Variants in GNA14 observed in about 807,000 individuals in gnomAD.
GNA14 encodes the protein G protein subunit alpha 14.
A neutral mutation model predicts 42.0 loss-of-function variants in GNA14; 50 were observed. The observed-to-expected ratio is 1.19, with a 90% CI of 0.95 to 1.51. GNA14 has a LOEUF of 1.51. Ranked by LOEUF, GNA14 falls within the 40% of genes most tolerant of loss-of-function variation. GNA14 has a pLI of 0.00. For synonymous variants in GNA14, 173 were observed against 163.1 expected (o/e 1.06, Z -0.46); for missense variants, 473 against 446.2 (o/e 1.06, Z -0.54).
At chr9:77,520,856 C>T (rs1007018265) in intron 2 of GNA14, among the ~76,000 whole-genome samples, 34 of 152,296 alleles carry the variant, frequency 2.2e-4, no homozygotes, top group African/African-American at 7.2e-4. Flanking sequence ...TTTGTAGGTG[C>T]ATACTCAGTT....
intron 1 of GNA14, among the ~76,000 whole-genome samples, chr9:77,629,961 G>T (rs1240132962): frequency 1.3e-5 from 2 of 151,996 alleles, no homozygotes; most frequent in South Asian, 4.2e-4. Context: ...CTTATTTATG[G>T]TATTTAAATC....
At chr9:77,461,975 G>A (rs1239918169) in intron 2 of GNA14, among the ~76,000 whole-genome samples, 3 of 151,908 alleles carry the variant, frequency 2.0e-5, no homozygotes, top group Non-Finnish European at 4.4e-5. Flanking sequence ...TGTTGTTGTT[G>A]AGAAACCGCT....
chr9:77,435,799 T>A (rs1835632109), intron 2 of GNA14, among the ~76,000 whole-genome samples: 1 of 152,192 alleles, frequency 6.6e-6, no homozygotes, highest in Non-Finnish European at 1.5e-5. Flanking sequence ...TTCCCCGTGT[T>A]GGCCCCAGAG....
At chr9:77,583,472 G>C (rs1388734064) in intron 1 of GNA14, among the ~76,000 whole-genome samples, 1 of 152,160 alleles carries the variant, frequency 6.6e-6, no homozygotes, top group Admixed American at 6.5e-5. Context: ...CAGTAAAACT[G>C]TTTGGAATTT....
intron 2 of GNA14, among the ~76,000 whole-genome samples, chr9:77,457,450 T>C (rs1457355875): frequency 6.6e-6 from 1 of 152,206 alleles, no homozygotes; most frequent in East Asian, 1.9e-4. Context: ...GTAAAGGGAC[T>C]AAGCCCAATT....
intron 1 of GNA14, among the ~76,000 whole-genome samples, chr9:77,614,924 C>T (rs1823786834): frequency 6.6e-6 from 1 of 152,206 alleles, no homozygotes; most frequent in African/African-American, 2.4e-5. Context: ...TCATAATTTA[C>T]TGTAAATGCC....
chr9:77,482,481 C>G (rs1321546788), intron 2 of GNA14, among the ~76,000 whole-genome samples: 2 of 152,184 alleles, frequency 1.3e-5, no homozygotes, highest in Admixed American at 6.5e-5. Flanking sequence ...TCTGGCTGCC[C>G]TTAACATTTT....
At chr9:77,479,750 T>C (rs1836507238) in intron 2 of GNA14, among the ~76,000 whole-genome samples, 1 of 152,226 alleles carries the variant, frequency 6.6e-6, no homozygotes, top group South Asian at 2.1e-4. Context: ...TGGTTCTCCT[T>C]GAAGATGTCC....
intron 4 of GNA14, among the ~76,000 whole-genome samples, chr9:77,430,545 G>A (rs1835529584): frequency 1.3e-5 from 2 of 152,146 alleles, no homozygotes; most frequent in Admixed American, 6.5e-5. Context: ...TTGAGGGGCT[G>A]GACCTGAGGG....
intron 2 of GNA14, among the ~76,000 whole-genome samples, chr9:77,521,990 G>A (rs906465485): frequency 2.0e-5 from 3 of 152,004 alleles, no homozygotes; most frequent in African/African-American, 4.8e-5. Flanking sequence ...GCGCCACCAC[G>A]CCCGGCTAAT....
chr9:77,429,833 A>T (rs1244417641), intron 4 of GNA14, among the ~76,000 whole-genome samples: 1 of 152,196 alleles, frequency 6.6e-6, no homozygotes, highest in African/African-American at 2.4e-5. Flanking sequence ...GTGTTAGCTC[A>T]AACGTTTTTT....
chr9:77,511,086 A>T (rs536798459), intron 2 of GNA14, among the ~76,000 whole-genome samples: 2 of 151,698 alleles, frequency 1.3e-5, no homozygotes, highest in African/African-American at 4.8e-5. Context: ...TTTTTTTTTA[A>T]TACAGAGGGG....
At chr9:77,524,830 C>T (rs62573379) in intron 2 of GNA14, among the ~76,000 whole-genome samples, 1 of 151,988 alleles carries the variant, frequency 6.6e-6, no homozygotes, top group Non-Finnish European at 1.5e-5. Context: ...ATTTTTGAAC[C>T]TGCCCCAATA....
chr9:77,638,811 G>A (rs950516658), intron 1 of GNA14, among the ~76,000 whole-genome samples: 2 of 152,202 alleles, frequency 1.3e-5, no homozygotes, highest in Non-Finnish European at 2.9e-5. Context: ...TGCAGCTTTG[G>A]ATAGGGGAAG....
At chr9:77,504,585 T>C (rs886310554) in intron 2 of GNA14, among the ~76,000 whole-genome samples, 2 of 149,060 alleles carry the variant, frequency 1.3e-5, no homozygotes, top group Non-Finnish European at 3.0e-5. Context: ...AAGTCCACAT[T>C]CATTCCAACT....
chr9:77,458,365 C>A (rs1836043668), intron 2 of GNA14, among the ~76,000 whole-genome samples: 1 of 152,164 alleles, frequency 6.6e-6, no homozygotes, highest in Admixed American at 6.5e-5. Context: ...GATGTTCTGT[C>A]TGGGTAGCAG....
intron 1 of GNA14, among the ~76,000 whole-genome samples, chr9:77,570,188 T>C (rs1310655025): frequency 6.6e-6 from 1 of 152,184 alleles, no homozygotes; most frequent in Admixed American, 6.5e-5. Flanking sequence ...TTAACTTAAT[T>C]CTAACACCAT....
At chr9:77,425,894 C>T (rs1049129388) in intron 5 of GNA14, among the ~76,000 whole-genome samples, 179 bp from the exon 6 acceptor site, 4 of 152,200 alleles carry the variant, frequency 2.6e-5, no homozygotes, top group South Asian at 2.1e-4. Context: ...CTGTTTGCCC[C>T]TCCCCAAGCC....
At chr9:77,440,221 C>T (rs1835709574) in intron 2 of GNA14, among the ~76,000 whole-genome samples, 1 of 152,246 alleles carries the variant, frequency 6.6e-6, no homozygotes, top group African/African-American at 2.4e-5. Flanking sequence ...ATGTGTGTTT[C>T]ATTCAGAAAT....
Sources: allele counts gnomAD v4.1 joint callset (sites outside exome capture counted in the v4.1 genomes callset), GRCh38; gene constraint gnomAD v4.1.1; transcripts MANE v1.5; gene names NCBI Gene and HGNC (gene_info 2026-07-23, HGNC 2026-07-21).